The following EYS variants were observed in gnomAD, a reference collection of about 807,000 sequenced individuals.
EYS encodes the protein protein eyes shut homolog.
Under a neutral mutation model 282.1 loss-of-function variants are expected in EYS, and 250 were observed. The observed-to-expected ratio is 0.89, with a 90% CI of 0.80 to 0.98. The LOEUF (loss-of-function observed/expected upper bound fraction) is 0.98. Among genes scored for constraint, EYS ranks in the 50% least tolerant of loss-of-function variants. The pLI, the probability that EYS is intolerant of heterozygous loss-of-function variation, is 0.00. For missense variants in EYS, 4,016 were observed against 3,709.0 expected, an observed-to-expected ratio of 1.08 and a Z score of -2.15; for synonymous variants, 1,355 against 1,282.9, an observed-to-expected ratio of 1.06 and a Z score of -1.20.
intron 5 of EYS, among the ~76,000 whole-genome samples, chr6:65,479,291 C>T (rs953046814): frequency 1.3e-4 from 20 of 152,096 alleles, no homozygotes; most frequent in African/African-American, 4.8e-4. Context: ...TCAAAAGAGG[C>T]TGAATTAAAG....
chr6:65,090,635 G>T (rs187404713), intron 12 of EYS, among the ~76,000 whole-genome samples: 27 of 152,264 alleles, frequency 1.8e-4, no homozygotes, highest in Non-Finnish European at 3.4e-4. Flanking sequence ...TAAAGGATAA[G>T]TCATGGGAGC....
At chr6:64,287,213 A>C (rs1168888703) in intron 30 of EYS, among the ~76,000 whole-genome samples, 3 of 152,128 alleles carry the variant, frequency 2.0e-5, no homozygotes, top group Non-Finnish European at 4.4e-5. Context: ...CTCCAATAAC[A>C]GCCAAAAAAG....
Position 64,196,248 on chromosome 6 carries a change from G to A in EYS, c.6424+34344C>T, listed in dbSNP as rs977295418. Among the ~76,000 whole-genome samples the A allele has an allele frequency of 1.4e-3, 208 of 152,298 alleles. 1 individual carries two copies. Among genetic ancestry groups the A allele is most frequent in the African/African-American group, 4.5e-3 (186 of 41,558 alleles). On this transcript the variant is annotated intron_variant, in intron 31 of 42. Transcript: ENST00000503581. ...TCATTAAAAAGTCAGGAAACAACAG[G>A]TGCTAGAGAGGATGTGGAGAAATAG...
intron 5 of EYS, among the ~76,000 whole-genome samples, chr6:65,451,287 G>T (rs1764387840): frequency 6.6e-6 from 1 of 151,778 alleles, no homozygotes; most frequent in Non-Finnish European, 1.5e-5. Flanking sequence ...AGCACATTTG[G>T]GGATAAATGA....
At chr6:65,674,450 C>CAA (rs56958605) in intron 1 of EYS, among the ~76,000 whole-genome samples, 607 of 34,764 alleles carry the variant, frequency 0.017, 110 homozygotes, top group Admixed American at 0.044. Context: ...GACTCCGTCT[C>CAA]AAAAAAAAAA....
At chr6:64,707,326 G>T (rs1246035441) in intron 22 of EYS, among the ~76,000 whole-genome samples, 1 of 152,126 alleles carries the variant, frequency 6.6e-6, no homozygotes. Flanking sequence ...TAATACAATG[G>T]ACTTTGGGAA....
At chr6:65,042,916 A>C (rs1772982881) in intron 13 of EYS, among the ~76,000 whole-genome samples, 1 of 151,394 alleles carries the variant, frequency 6.6e-6, no homozygotes, top group African/African-American at 2.4e-5. Flanking sequence ...CTAACATTTT[A>C]ATTTATTTCT....
intron 31 of EYS, among the ~76,000 whole-genome samples, chr6:64,194,282 T>C (rs942187732): frequency 3.7e-5 from 5 of 136,048 alleles, no homozygotes; most frequent in African/African-American, 5.3e-5. Flanking sequence ...TGATATTAAT[T>C]ATTACCTTTT....
chr6:64,294,062 A>T (rs1396806049), intron 30 of EYS, among the ~76,000 whole-genome samples: 1 of 148,592 alleles, frequency 6.7e-6, no homozygotes, highest in Non-Finnish European at 1.5e-5. Flanking sequence ...TGACTATAAA[A>T]TAGAGATAGA....
At chr6:64,827,154 T>C (rs1389806306) in intron 19 of EYS, among the ~76,000 whole-genome samples, 1 of 151,906 alleles carries the variant, frequency 6.6e-6, no homozygotes. Context: ...CTGCTTTTTA[T>C]CAAACTGGCT....
chr6:64,323,477 T>C lies in EYS; in HGVS notation c.6079-16395A>G, dbSNP rs146474872. Among the ~76,000 whole-genome samples, 449 of 152,292 alleles carry C rather than the reference T, an allele frequency of 2.9e-3. 3 individuals are homozygous for C. The highest frequency in any genetic ancestry group is 0.01 in the African/African-American group (420 of 41,578). On this transcript the variant is annotated intron_variant, in intron 29 of 42. Coordinates refer to ENST00000503581, the MANE Select transcript of EYS (RefSeq NM_001142800.2). ...GCTAGTGTGAATACTCCTGCTATGA[T>C]GTTTCATGTACAGATTTGTGTGTGG...
chr6:64,906,822 TG>T (rs2150073867), intron 16 of EYS, among the ~76,000 whole-genome samples: 1 of 152,312 alleles, frequency 6.6e-6, no homozygotes, highest in African/African-American at 2.4e-5. Flanking sequence ...GGTAATTTTT[TG>T]CCTATAAACT....
chr6:63,751,217 A>G (rs1769333372), intron 41 of EYS, among the ~76,000 whole-genome samples: 1 of 152,188 alleles, frequency 6.6e-6, no homozygotes, highest in Non-Finnish European at 1.5e-5. Flanking sequence ...CTATAAGGCT[A>G]TGAGTTTAAA....
intron 26 of EYS, among the ~76,000 whole-genome samples, chr6:64,460,625 A>G (rs1435010388): frequency 1.3e-5 from 2 of 152,334 alleles, no homozygotes; most frequent in Admixed American, 6.5e-5. Flanking sequence ...GTATCTTTCT[A>G]AAGTGTATTT....
In EYS at chr6:64,681,045, A is replaced by G. The variant is rs180781108; in HGVS notation, c.3444-54800T>C. Among the ~76,000 whole-genome samples, 10 of 152,332 alleles carry G rather than the reference A, an allele frequency of 6.6e-5. No individual in the cohort carries two copies. The East Asian group carries it at 1.7e-3, about 26-fold the overall frequency. On this transcript the variant is annotated intron_variant, in intron 22 of 42. Transcript: ENST00000503581. The stretch of plus-strand genomic sequence containing the variant: ...CTTACTGGAGAGAAATGGGGAAAAA[A>G]GCAGCTAAGAAGAGCCTGGGACAGG...
intron 29 of EYS, among the ~76,000 whole-genome samples, chr6:64,350,125 G>A (rs1771569415): frequency 6.6e-6 from 1 of 151,420 alleles, no homozygotes; most frequent in East Asian, 2.0e-4. Context: ...TTTTACAGAA[G>A]TGTCTCTACT....
intron 12 of EYS, among the ~76,000 whole-genome samples, chr6:65,155,405 A>G (rs1025227426): frequency 1.4e-5 from 2 of 138,958 alleles, no homozygotes; most frequent in African/African-American, 4.9e-5. Flanking sequence ...TTGACTTTGA[A>G]CAGGTTTCAC....
chr6:64,066,251 C>T (rs1771364524), intron 33 of EYS, 87 bp downstream of exon 33: 2 of 1,205,330 alleles, frequency 1.7e-6, no homozygotes, highest in Admixed American at 2.5e-5. Flanking sequence ...GCGCTCCAGA[C>T]TGGGTGACAG....
intron 12 of EYS, among the ~76,000 whole-genome samples, chr6:65,127,509 C>CAA (rs1357421202): frequency 6.6e-6 from 1 of 151,950 alleles, no homozygotes; most frequent in Non-Finnish European, 1.5e-5. Context: ...TAAACATTTG[C>CAA]AATGGTTTTA....
Sources: allele counts gnomAD v4.1 joint callset (sites outside exome capture counted in the v4.1 genomes callset), GRCh38; gene constraint gnomAD v4.1.1; transcripts MANE v1.5; gene names NCBI Gene and HGNC (gene_info 2026-07-23, HGNC 2026-07-21).